Variants in MCC observed in about 807,000 individuals in gnomAD.
The protein encoded by MCC is colorectal mutant cancer protein.
A neutral mutation model predicts 116.2 loss-of-function variants in MCC; 90 were observed. The observed-to-expected ratio is 0.77, with a 90% CI of 0.65 to 0.92. MCC has a LOEUF of 0.92. Ranked by LOEUF, MCC falls within the 40% of genes least tolerant of loss-of-function variation. The pLI is 0.00. For missense variants in MCC, 1,516 were observed against 1,312.2 expected (o/e 1.16, Z -2.40); for synonymous variants, 578 against 510.5 (o/e 1.13, Z -1.78).
At chr5:113,084,226 A>T in intron 9 of MCC, 36 bp from the exon 10 acceptor site, 1 of 1,484,926 alleles carries the variant, frequency 6.7e-7, no homozygotes, top group Non-Finnish European at 9.4e-7. Flanking sequence ...AGAAAACTAC[A>T]CACCACTCCT....
chr5:113,118,820 C>T, intron 6 of MCC, among the ~76,000 whole-genome samples: 1 of 152,212 alleles, frequency 6.6e-6, no homozygotes, highest in Admixed American at 6.5e-5. Flanking sequence ...ACTGACGGCA[C>T]TGTGTGAGCA....
intron 8 of MCC, 74 bp from the exon 9 acceptor site, chr5:113,085,384 G>C: frequency 6.9e-7 from 1 of 1,449,868 alleles, no homozygotes. Context: ...ATGGGTAGGT[G>C]GTGGGGCTTT....
chr5:113,317,106 G>C (rs1767305669), intron 3 of MCC, among the ~76,000 whole-genome samples: 1 of 152,164 alleles, frequency 6.6e-6, no homozygotes, highest in Non-Finnish European at 1.5e-5. Context: ...AAAGGTGAGG[G>C]TTTTCCTTAA....
At chr5:113,360,194 TAA>T (rs34143495) in intron 2 of MCC, among the ~76,000 whole-genome samples, 190 of 148,424 alleles carry the variant, frequency 1.3e-3, no homozygotes, top group African/African-American at 4.1e-3. Context: ...CCAAGGGGAA[TAA>T]AAAAAAAAAT....
intron 4 of MCC, among the ~76,000 whole-genome samples, chr5:113,149,067 A>G (rs1319871881): frequency 2.6e-5 from 4 of 152,184 alleles, no homozygotes; most frequent in African/African-American, 9.7e-5. Context: ...AAAATCCAAG[A>G]CTACTGTACA....
At chr5:113,048,853 T>C (rs532695604) in intron 16 of MCC, 2 of 584,906 alleles carry the variant, frequency 3.4e-6, no homozygotes, top group South Asian at 2.1e-5. Flanking sequence ...CCCTCTGATG[T>C]GACTGTGATA....
At chr5:113,461,030 AG>A (rs1771727887) in intron 1 of MCC, among the ~76,000 whole-genome samples, 1 of 152,248 alleles carries the variant, frequency 6.6e-6, no homozygotes, top group African/African-American at 2.4e-5. Context: ...AGGCTGAAGC[AG>A]GAAGATGGCT....
At chr5:113,463,428 AAAG>A (rs2150426671) in intron 1 of MCC, among the ~76,000 whole-genome samples, 1 of 152,336 alleles carries the variant, frequency 6.6e-6, no homozygotes, top group African/African-American at 2.4e-5. Flanking sequence ...AGGGAGATGG[AAAG>A]AAGTAGACAG....
chr5:113,405,190 C>T (rs1769795242), intron 1 of MCC, among the ~76,000 whole-genome samples: 4 of 152,286 alleles, frequency 2.6e-5, no homozygotes, highest in Admixed American at 2.0e-4. Context: ...AGAAGAAAAC[C>T]AAATGCCTCC....
intron 3 of MCC, among the ~76,000 whole-genome samples, chr5:113,331,881 G>C (rs929221164): frequency 2.0e-5 from 3 of 151,404 alleles, no homozygotes; most frequent in African/African-American, 7.3e-5. Context: ...CAGGTGATCC[G>C]CCCACCTCGG....
At chr5:113,063,550 G>A (rs1044218146) in intron 14 of MCC, among the ~76,000 whole-genome samples, 5 of 152,252 alleles carry the variant, frequency 3.3e-5, no homozygotes, top group Non-Finnish European at 7.3e-5. Flanking sequence ...CAAGAAGACA[G>A]GAGAGTGATG....
chr5:113,087,972 C>T (rs1357462822), intron 8 of MCC, among the ~76,000 whole-genome samples: 1 of 152,190 alleles, frequency 6.6e-6, no homozygotes, highest in African/African-American at 2.4e-5. Context: ...CTTTCTTACT[C>T]TACAGAGGCA....
At chr5:113,480,294 T>C (rs1260371353) in intron 1 of MCC, among the ~76,000 whole-genome samples, 3 of 152,250 alleles carry the variant, frequency 2.0e-5, no homozygotes, top group African/African-American at 2.4e-5. Flanking sequence ...TACATTTCAC[T>C]GATAACTTCA....
intron 3 of MCC, among the ~76,000 whole-genome samples, chr5:113,292,228 T>C (rs1002272911): frequency 2.6e-5 from 4 of 151,918 alleles, no homozygotes; most frequent in Non-Finnish European, 4.4e-5. Flanking sequence ...TGAGACTCTG[T>C]CTCCAAAAAA....
chr5:113,211,823 C>T (rs1161947640), intron 3 of MCC, among the ~76,000 whole-genome samples: 4 of 152,112 alleles, frequency 2.6e-5, no homozygotes, highest in African/African-American at 7.2e-5. Context: ...TGAATGAAGA[C>T]ATTTATTAGA....
chr5:113,415,220 T>C (rs923556430), intron 1 of MCC, among the ~76,000 whole-genome samples: 1 of 152,174 alleles, frequency 6.6e-6, no homozygotes, highest in African/African-American at 2.4e-5. Flanking sequence ...CATTTCAACT[T>C]TGGTGAATCT....
chr5:113,405,546 TG>T (rs1769803942), intron 1 of MCC, among the ~76,000 whole-genome samples: 1 of 152,136 alleles, frequency 6.6e-6, no homozygotes. Context: ...CCCAGCACTT[TG>T]GGAGGCAGAG....
chr5:113,344,654 A>G (rs1768091308), intron 2 of MCC, among the ~76,000 whole-genome samples: 1 of 152,012 alleles, frequency 6.6e-6, no homozygotes, highest in Admixed American at 6.6e-5. Context: ...TCTAAGGTCT[A>G]GCTTCCAGAC....
At chr5:113,210,750 T>A (rs1186284306) in intron 3 of MCC, among the ~76,000 whole-genome samples, 1 of 152,166 alleles carries the variant, frequency 6.6e-6, no homozygotes, top group Non-Finnish European at 1.5e-5. Context: ...GAACAATAAT[T>A]TACTTTGAAA....
Sources: allele counts gnomAD v4.1 joint callset (sites outside exome capture counted in the v4.1 genomes callset), GRCh38; gene constraint gnomAD v4.1.1; transcripts MANE v1.5; gene names NCBI Gene and HGNC (gene_info 2026-07-23, HGNC 2026-07-21).